Variants in MSRA observed in about 807,000 individuals in gnomAD.
MSRA encodes the protein methionine sulfoxide reductase A.
A neutral mutation model predicts 31.3 loss-of-function variants in MSRA; 54 were observed. The ratio of observed to expected loss-of-function variants is 1.73; its 90% CI spans 1.39 to 2.17. The LOEUF is 2.17. Among genes scored for constraint, MSRA ranks in the 30% most tolerant of loss-of-function variants. MSRA has a pLI of 0.00. For missense variants in MSRA, 507 were observed against 300.9 expected (o/e 1.69, Z -5.07); for synonymous variants, 169 against 116.5 (o/e 1.45, Z -2.90).
intron 3 of MSRA, among the ~76,000 whole-genome samples, chr8:10,251,586 C>T (rs1274253555): frequency 1.3e-5 from 2 of 152,096 alleles, no homozygotes; most frequent in African/African-American, 2.4e-5. Flanking sequence ...AAACGCTTAT[C>T]TCTCTCAAAC....
At chr8:10,298,970 C>A (rs751702077) in intron 3 of MSRA, among the ~76,000 whole-genome samples, 1 of 152,074 alleles carries the variant, frequency 6.6e-6, no homozygotes, top group Admixed American at 6.5e-5. Flanking sequence ...TACATACACC[C>A]GTGGGGTTTC....
At chr8:10,229,410 G>A (rs1458110934) in intron 2 of MSRA, among the ~76,000 whole-genome samples, 2 of 152,172 alleles carry the variant, frequency 1.3e-5, no homozygotes, top group Admixed American at 6.5e-5. Flanking sequence ...GTCCAGAGAG[G>A]CTGCTATGAG....
chr8:10,176,117 G>A (rs1806028313), intron 1 of MSRA, among the ~76,000 whole-genome samples: 1 of 152,202 alleles, frequency 6.6e-6, no homozygotes, highest in African/African-American at 2.4e-5. Context: ...ATGGAAATCT[G>A]TGTTTAATGC....
intron 1 of MSRA, among the ~76,000 whole-genome samples, chr8:10,102,583 A>G (rs567251240): frequency 1.7e-4 from 26 of 152,334 alleles, no homozygotes; most frequent in African/African-American, 6.0e-4. Flanking sequence ...CATCTGTGCC[A>G]TCTCAATGTT....
intron 5 of MSRA, among the ~76,000 whole-genome samples, chr8:10,382,019 C>T (rs1224195989): frequency 6.6e-6 from 1 of 152,220 alleles, no homozygotes; most frequent in South Asian, 2.1e-4. Context: ...TAAGCCATTT[C>T]TTTCTGCGTG....
At chr8:10,240,516 A>C (rs1048273646) in intron 2 of MSRA, among the ~76,000 whole-genome samples, 3 of 152,064 alleles carry the variant, frequency 2.0e-5, no homozygotes, top group Non-Finnish European at 4.4e-5. Flanking sequence ...TGGCATTATC[A>C]TGTGGTAAAG....
chr8:10,299,700 C>T (rs909968987), intron 3 of MSRA, among the ~76,000 whole-genome samples: 3 of 152,092 alleles, frequency 2.0e-5, no homozygotes, highest in Non-Finnish European at 2.9e-5. Context: ...CAATAGAATC[C>T]TATCTTCCAG....
chr8:10,244,113 G>T lies in MSRA; in HGVS notation c.212-991G>T, dbSNP rs574671651. Among the ~76,000 whole-genome samples the T allele has an allele frequency of 2.6e-5, 4 of 152,272 alleles. No individual in the cohort carries two copies. The South Asian group carries it at 8.3e-4, about 32-fold the overall frequency. On this transcript the variant is annotated intron_variant, in intron 2 of 5. Transcript: ENST00000317173. ...GGTAAATCGAGTGAGTGTAGGAGTG[G>T]GAGGTGTATAGTGTATATTAATTTG... is the stretch of plus-strand genomic sequence containing the variant.
rs140753319 is a variant in MSRA at position 10,136,225 on chromosome 8, T to C, written c.143-71608T>C. ...GAGCTCTGCGGTGCAGAGAGGCACATTGGTGAAGGGAGCCAGGCATTCAGC... is the reference window on the plus strand; with the variant it reads ...GAGCTCTGCGGTGCAGAGAGGCACACTGGTGAAGGGAGCCAGGCATTCAGC... On this transcript the variant is annotated intron_variant, in intron 1 of 5. Transcript: ENST00000317173. Among the ~76,000 whole-genome samples, 288 of 152,206 alleles carry C rather than the reference T, an allele frequency of 1.9e-3. 2 individuals carry two copies. The highest frequency in any genetic ancestry group is 6.6e-3 in the African/African-American group (272 of 41,512).
chr8:10,283,349 G>A (rs1799737223), intron 3 of MSRA, among the ~76,000 whole-genome samples: 1 of 152,034 alleles, frequency 6.6e-6, no homozygotes, highest in Non-Finnish European at 1.5e-5. Context: ...TAGGAGTATT[G>A]TGCTCCTATC....
At chr8:10,364,393 G>T (rs755468440) in intron 5 of MSRA, among the ~76,000 whole-genome samples, 1 of 152,156 alleles carries the variant, frequency 6.6e-6, no homozygotes, top group Non-Finnish European at 1.5e-5. Context: ...GTTGTGTCTC[G>T]AAATCATCCT....
chr8:10,170,957 A>C (rs1805537048), intron 1 of MSRA, among the ~76,000 whole-genome samples: 1 of 152,198 alleles, frequency 6.6e-6, no homozygotes, highest in Non-Finnish European at 1.5e-5. Context: ...CTCCAGCATG[A>C]TGTTGCATAG....
intron 5 of MSRA, among the ~76,000 whole-genome samples, chr8:10,364,426 G>C (rs1585591009): frequency 6.6e-6 from 1 of 152,152 alleles, no homozygotes; most frequent in East Asian, 1.9e-4. Context: ...ATCACACTTG[G>C]CCATTTTATC....
At chr8:10,144,004 C>T (rs1802925552) in intron 1 of MSRA, among the ~76,000 whole-genome samples, 1 of 152,096 alleles carries the variant, frequency 6.6e-6, no homozygotes, top group Non-Finnish European at 1.5e-5. Context: ...CACAGAGCCT[C>T]GTGAGGCTCG....
At chr8:10,232,877 C>A (rs1047733624) in intron 2 of MSRA, among the ~76,000 whole-genome samples, 1 of 152,186 alleles carries the variant, frequency 6.6e-6, no homozygotes, top group Non-Finnish European at 1.5e-5. Flanking sequence ...TTCAGTGACA[C>A]AGTTGTAATT....
intron 4 of MSRA, among the ~76,000 whole-genome samples, chr8:10,304,573 A>G (rs970160862): frequency 2.0e-5 from 3 of 152,212 alleles, no homozygotes; most frequent in African/African-American, 7.2e-5. Context: ...CATTTTTCCA[A>G]GGTCAGAATT....
chr8:10,251,427 T>A (rs1205230731), intron 3 of MSRA, among the ~76,000 whole-genome samples: 1 of 152,176 alleles, frequency 6.6e-6, no homozygotes, highest in Non-Finnish European at 1.5e-5. Context: ...CATTTCAATG[T>A]CAGTCAAGGT....
chr8:10,427,538 G>A lies in MSRA; in HGVS notation c.544-610G>A, dbSNP rs529106934. On this transcript the variant is annotated intron_variant, in intron 5 of 5. Transcript: ENST00000317173. The stretch of plus-strand genomic sequence containing the variant: ...TTCAGAGTACAGACCCCAAGCGACC[G>A]CCTGCTCACCAGGACGTGCCAGCAG... 8.9e-4 allele frequency among the ~76,000 whole-genome samples: 135 copies of A among 152,186 alleles called. 3 individuals carry two copies. The highest frequency in any genetic ancestry group is 1.5e-3 in the Non-Finnish European group (99 of 68,002).
chr8:10,205,689 T>A (rs1808900647), intron 1 of MSRA, among the ~76,000 whole-genome samples: 1 of 152,210 alleles, frequency 6.6e-6, no homozygotes, highest in African/African-American at 2.4e-5. Context: ...AATCTAACAA[T>A]GAGAAAGGAA....
Sources: gnomAD v4.1 joint callset for allele counts (sites outside exome capture counted in the v4.1 genomes callset) on GRCh38, gnomAD v4.1.1 for gene constraint, MANE v1.5 for transcripts, NCBI Gene and HGNC (gene_info 2026-07-23, HGNC 2026-07-21) for gene names.